PCDHA6: variants seen among roughly 807,000 people sequenced by gnomAD.
PCDHA6 encodes protocadherin alpha 6, also known as protocadherin alpha-6.
PCDHA6 carries 55 observed loss-of-function variants against 60.3 expected under a neutral mutation model. That is an observed-to-expected ratio of 0.91 (90% CI 0.73 to 1.14). The LOEUF is 1.14. Among genes scored for constraint, PCDHA6 ranks in the 50% most tolerant of loss-of-function variants. The probability of loss-of-function intolerance (pLI) is 0.00; values close to 1 mark genes in which losing one functional copy is unlikely to be tolerated. For synonymous variants in PCDHA6, 652 were observed against 557.9 expected (o/e 1.17, Z -2.38); for missense variants, 1,327 against 1,256.5 (o/e 1.06, Z -0.85).
chr5:140,863,128 C>A, intron 1 of PCDHA6: 1 of 598,142 alleles, frequency 1.7e-6, no homozygotes, highest in South Asian at 1.4e-5. Flanking sequence ...TACGCGCCAC[C>A]GCCTGCTGGT....
chr5:140,869,973 C>G, intron 1 of PCDHA6: 2 of 1,613,100 alleles, frequency 1.2e-6, no homozygotes, highest in African/African-American at 1.3e-5. Flanking sequence ...ATGGAAGACA[C>G]TTATTTACAC....
intron 1 of PCDHA6, among the ~76,000 whole-genome samples, chr5:140,905,373 G>A (rs556428182): frequency 6.6e-6 from 1 of 152,118 alleles, no homozygotes; most frequent in East Asian, 1.9e-4. Context: ...CTGGTTCTCT[G>A]TTCTGTTTCA....
At chr5:140,867,316 T>C (rs1234644689) in intron 1 of PCDHA6, 5 of 152,146 alleles carry the variant, frequency 3.3e-5, no homozygotes, top group African/African-American at 1.2e-4. Context: ...TGTCATCTGG[T>C]CTAATGTTAT....
At chr5:140,923,043 T>C (rs1274355780) in intron 1 of PCDHA6, among the ~76,000 whole-genome samples, 2 of 152,228 alleles carry the variant, frequency 1.3e-5, no homozygotes, top group Non-Finnish European at 1.5e-5. Context: ...ACATGTATAG[T>C]ATTTAGAATA....
At chr5:140,834,683 G>C (rs2150224219) in intron 1 of PCDHA6, 51 of 1,614,138 alleles carry the variant, frequency 3.2e-5, no homozygotes, top group Non-Finnish European at 4.1e-5. Context: ...GGCGGAGCGC[G>C]GAGTGCAGCA....
chr5:141,010,232 A>C lies in PCDHA6; in HGVS notation c.*295A>C. The C allele has an allele frequency of 1.3e-6, 2 of 1,551,952 alleles. No individual in the cohort carries two copies. The highest frequency in any genetic ancestry group is 1.7e-6 in the Non-Finnish European group (2 of 1,147,050). The stretch of plus-strand genomic sequence containing the variant: ...AAAGGAGAGGCTTCCCAGCCCCGCC[A>C]GTGAGAGGTTGGACTCTCTGCCCTG... On this transcript the variant is annotated 3_prime_UTR_variant, in exon 4 of 4. Coordinates refer to ENST00000529310, the MANE Select transcript of PCDHA6 (RefSeq NM_018909.4).
At chr5:140,920,503 A>G (rs1411233164) in intron 1 of PCDHA6, among the ~76,000 whole-genome samples, 1 of 152,126 alleles carries the variant, frequency 6.6e-6, no homozygotes, top group Non-Finnish European at 1.5e-5. Flanking sequence ...AGTTCTACAT[A>G]CTGTTTTATG....
At chr5:140,882,567 C>T (rs1554174625) in intron 1 of PCDHA6, 12 of 1,614,092 alleles carry the variant, frequency 7.4e-6, no homozygotes, top group East Asian at 2.2e-5. Context: ...GGGCGGAGCG[C>T]GGAGTGCAGC....
chr5:140,835,862 G>A, intron 1 of PCDHA6: 1 of 1,612,116 alleles, frequency 6.2e-7, no homozygotes, highest in Non-Finnish European at 8.5e-7. Context: ...TGTCCTACTC[G>A]CTGGTGGAGC....
rs534013349 is a variant in PCDHA6, at chr5:140,881,427, A to G, written c.2394+50942A>G. ...AATCAATAGGATATTAGTTCCAGGC[A>G]TATTTTATAAAAACAGAATCCAAAA... On this transcript the variant is annotated intron_variant, in intron 1 of 3. Transcript: ENST00000529310. 6.5e-5 allele frequency: 58 copies of G among 895,354 alleles called. No individual in the cohort carries two copies. In the African/African-American group the frequency reaches 9.9e-4, roughly 15 times the overall value. The allele number at this position is 895,354 out of a possible 1,614,324, so 55.5% of individuals were successfully genotyped here. A position where few individuals can be genotyped will look rare whatever the true frequency, so the allele number is the denominator to read the frequency against.
rs1297383367 is a variant in PCDHA6 at position 140,898,744 on chromosome 5, G to T, written c.2394+68259G>T. ...CTGTGAAGAAAGTCATTGGTAGCTT[G>T]ATGGGGATGGCATTGAATCTGTAAA... is the stretch of plus-strand genomic sequence containing the variant. On this transcript the variant is annotated intron_variant, in intron 1 of 3. Coordinates refer to ENST00000529310, the MANE Select transcript of PCDHA6 (RefSeq NM_018909.4). 1.1e-4 allele frequency among the ~76,000 whole-genome samples: 17 copies of T among 152,248 alleles called. 2 individuals are homozygous for T. Among genetic ancestry groups the T allele is most frequent in the East Asian group, 7.7e-4 (4 of 5,188 alleles).
chr5:140,848,750 T>C, intron 1 of PCDHA6: 1 of 1,593,288 alleles, frequency 6.3e-7, no homozygotes. Context: ...GCATTTTGTT[T>C]GTGAATTCTC....
intron 1 of PCDHA6, among the ~76,000 whole-genome samples, chr5:140,903,229 T>G (rs2153479721): frequency 6.6e-6 from 1 of 152,340 alleles, no homozygotes; most frequent in Non-Finnish European, 1.5e-5. Context: ...CATCTATTAC[T>G]TTTTGATTTT....
In PCDHA6 at chr5:141,011,771, G is replaced by A. The variant is rs1327507093; in HGVS notation, c.*1834G>A. On this transcript the variant is annotated 3_prime_UTR_variant, in exon 4 of 4. Transcript: ENST00000529310. ...TCTGACCTCTTTGAAGTTGCAGAATGCTTTGAAATTCTAATGGTATCTGAA... is the reference window on the plus strand; with the variant it reads ...TCTGACCTCTTTGAAGTTGCAGAATACTTTGAAATTCTAATGGTATCTGAA... The A allele has an allele frequency of 1.3e-5, 2 of 153,698 alleles. No individual in the cohort carries two copies. The highest frequency in any genetic ancestry group is 4.8e-5 in the African/African-American group (2 of 41,424). The allele number at this position is 153,698 out of a possible 1,614,324, so 9.5% of individuals were successfully genotyped here.
intron 3 of PCDHA6, among the ~76,000 whole-genome samples, chr5:140,982,945 G>A (rs2097017253): frequency 6.6e-6 from 1 of 151,722 alleles, no homozygotes; most frequent in Non-Finnish European, 1.5e-5. Flanking sequence ...TTTGGTTGAA[G>A]ACTATGGAAA....
intron 1 of PCDHA6, chr5:140,858,795 C>A: frequency 2.6e-6 from 1 of 379,570 alleles, no homozygotes; most frequent in Non-Finnish European, 4.8e-6. Context: ...ATTTCATTTC[C>A]AATCTAAATT....
At chr5:140,878,274 C>A (rs1273765492) in intron 1 of PCDHA6, among the ~76,000 whole-genome samples, 2 of 152,092 alleles carry the variant, frequency 1.3e-5, no homozygotes, top group Non-Finnish European at 2.9e-5. Context: ...TTTAAAATAG[C>A]CTTCTTGATC....
intron 1 of PCDHA6, among the ~76,000 whole-genome samples, chr5:140,924,932 AAAAT>A (rs2082199458): frequency 7.6e-6 from 1 of 131,842 alleles, no homozygotes; most frequent in East Asian, 2.6e-4. Flanking sequence ...AAAATAAAAT[AAAAT>A]AAAAAGTTAA....
At chr5:140,922,254 T>G (rs2080741873) in intron 1 of PCDHA6, among the ~76,000 whole-genome samples, 1 of 152,228 alleles carries the variant, frequency 6.6e-6, no homozygotes, top group East Asian at 1.9e-4. Context: ...GATAAGTTAC[T>G]AAGTGCCATG....
Sources: gnomAD v4.1 joint callset for allele counts (sites outside exome capture counted in the v4.1 genomes callset) on GRCh38, gnomAD v4.1.1 for gene constraint, MANE v1.5 for transcripts, NCBI Gene and HGNC (gene_info 2026-07-23, HGNC 2026-07-21) for gene names.